Variants in INO80 observed in about 807,000 individuals in gnomAD.
INO80 encodes chromatin-remodeling ATPase INO80.
A neutral mutation model predicts 203.4 loss-of-function variants in INO80; 20 were observed. The observed-to-expected ratio is 0.10, with a 90% CI of 0.07 to 0.14. The LOEUF (loss-of-function observed/expected upper bound fraction) is 0.14, where lower values mean the gene tolerates loss of function less well. Among genes scored for constraint, INO80 ranks in the 10% least tolerant of loss-of-function variants. The pLI is 1.00. For missense variants in INO80, 1,419 were observed against 1,914.4 expected, an observed-to-expected ratio of 0.74 and a Z score of 4.83; for synonymous variants, 726 against 685.2, an observed-to-expected ratio of 1.06 and a Z score of -0.93.
intron 4 of INO80, among the ~76,000 whole-genome samples, chr15:41,093,780 A>C (rs918671530): frequency 3.3e-5 from 5 of 152,040 alleles, no homozygotes; most frequent in Non-Finnish European, 7.4e-5. Context: ...AGGAGGTCGA[A>C]GCTGCACTAA....
chr15:40,988,537 G>C (rs192348936), intron 29 of INO80, among the ~76,000 whole-genome samples: 188 of 151,882 alleles, frequency 1.2e-3, no homozygotes, highest in African/African-American at 4.4e-3. Context: ...GGTGAGCTGA[G>C]ATTGTACCAC....
At chr15:41,035,534 A>AG (rs1014370320) in intron 24 of INO80, among the ~76,000 whole-genome samples, 2 of 151,926 alleles carry the variant, frequency 1.3e-5, no homozygotes, top group African/African-American at 4.8e-5. Context: ...TCTAAAAAAA[A>AG]AAAAAGACCG....
At chr15:41,087,715 T>G in intron 5 of INO80, 33 bp from the exon 6 acceptor site, 1 of 1,595,442 alleles carries the variant, frequency 6.3e-7, no homozygotes. Flanking sequence ...TGGGCCTGTT[T>G]TCTATAGTAC....
chr15:41,044,773 C>T, intron 24 of INO80, 131 bp downstream of exon 24: 3 of 675,560 alleles, frequency 4.4e-6, no homozygotes, highest in Non-Finnish European at 7.4e-6. Flanking sequence ...ACTCAATATG[C>T]TGCACCGCCC....
intron 23 of INO80, among the ~76,000 whole-genome samples, chr15:41,045,899 T>G (rs571703275): frequency 6.4e-5 from 2 of 31,254 alleles, no homozygotes; most frequent in East Asian, 9.0e-3. Context: ...AGACTTCATC[T>G]CGGGAAAAAA....
intron 24 of INO80, among the ~76,000 whole-genome samples, chr15:41,037,317 G>A (rs1429933429): frequency 6.6e-6 from 1 of 151,788 alleles, no homozygotes; most frequent in African/African-American, 2.4e-5. Flanking sequence ...AGATCAGCCT[G>A]GCTAACATGG....
chr15:40,981,400 CTGT>C (rs1566896883), intron 35 of INO80, among the ~76,000 whole-genome samples: 1 of 152,206 alleles, frequency 6.6e-6, no homozygotes, highest in African/African-American at 2.4e-5. Flanking sequence ...ACTGGCATGA[CTGT>C]TGTTTTCCAA....
intron 32 of INO80, among the ~76,000 whole-genome samples, chr15:40,985,107 A>G (rs1184400989): frequency 2.6e-5 from 4 of 152,136 alleles, no homozygotes; most frequent in African/African-American, 9.6e-5. Flanking sequence ...AATGGTTTCC[A>G]TAATTAAACT....
chr15:41,061,075 G>A (rs1377446709), intron 14 of INO80, among the ~76,000 whole-genome samples: 1 of 152,198 alleles, frequency 6.6e-6, no homozygotes, highest in Non-Finnish European at 1.5e-5. Flanking sequence ...GGGAGACTGA[G>A]GCTGGCAGAT....
At chr15:41,066,401 C>T (rs1250251672) in intron 14 of INO80, among the ~76,000 whole-genome samples, 2 of 152,112 alleles carry the variant, frequency 1.3e-5, no homozygotes, top group Non-Finnish European at 2.9e-5. Context: ...AAGTGATCTT[C>T]CCACCTTGGC....
At chr15:41,054,388 G>T (rs1023846416) in intron 18 of INO80, among the ~76,000 whole-genome samples, 1 of 152,076 alleles carries the variant, frequency 6.6e-6, no homozygotes, top group Non-Finnish European at 1.5e-5. Flanking sequence ...ATCACATAAG[G>T]ATTTTTCTAA....
rs762135354 is a variant in INO80, at chr15:41,096,227, G to A, written c.84C>T (p.Ala28=). ...GTCGCAGAAAATGGTCCAACCGGAG[G>A]GCCCTCTCCAAGTACTGAAGATAGA... The part of the protein sequence containing the change: ...KPLYLQYLER[A]LRLDHFLRQT... The change falls in exon 2 of 36, where the codon GCC becomes GCT. Residue 28 remains alanine, a synonymous_variant. Transcript: ENST00000648947. 23 of 1,613,260 alleles carry A rather than the reference G, an allele frequency of 1.4e-5. No homozygotes were observed. In the South Asian group the frequency reaches 2.5e-4, roughly 18 times the overall value.
At chr15:41,110,937 T>C (rs1427582369) in intron 1 of INO80, among the ~76,000 whole-genome samples, 6 of 152,182 alleles carry the variant, frequency 3.9e-5, no homozygotes, top group South Asian at 2.1e-4. Context: ...AATTCCTTCA[T>C]TGTCTCAGAA....
chr15:40,994,489 G>A (rs139619128), intron 29 of INO80, among the ~76,000 whole-genome samples: 3,995 of 151,714 alleles, frequency 0.026, 196 homozygotes, highest in African/African-American at 0.092. Flanking sequence ...TCAGCCTCCC[G>A]AGTAGCTGGG....
chr15:40,986,427 G>A (rs2043734265), intron 31 of INO80, among the ~76,000 whole-genome samples: 1 of 146,648 alleles, frequency 6.8e-6, no homozygotes, highest in African/African-American at 2.5e-5. Flanking sequence ...TAGCTTCAAG[G>A]GATTCTCCTG....
At chr15:41,023,432 T>C in intron 25 of INO80, 1 of 437,848 alleles carries the variant, frequency 2.3e-6, no homozygotes, top group South Asian at 1.6e-5. Context: ...CTATATGTCT[T>C]GAACAGCATG....
Position 41,081,710 on chromosome 15 carries a change from G to C in INO80, c.874-637C>G, listed in dbSNP as rs559031954. On this transcript the variant is annotated intron_variant, in intron 7 of 35. Transcript: ENST00000648947. ...ACCTGACTCCCCATGATGTCTATTT[G>C]ACATGGAAGAAGATGCTGAAGAGGC... Among the ~76,000 whole-genome samples, 27 of 152,248 alleles carry C rather than the reference G, an allele frequency of 1.8e-4. No individual in the cohort carries two copies. In the South Asian group the frequency reaches 5.4e-3, roughly 30 times the overall value.
At chr15:41,070,674 A>G (rs2045295340) in intron 12 of INO80, 127 bp from the exon 13 acceptor site, 1 of 748,756 alleles carries the variant, frequency 1.3e-6, no homozygotes, top group Admixed American at 2.2e-5. Context: ...ACTCAGCCTC[A>G]GCACTTTTAC....
chr15:41,003,189 C>T (rs1245945626), intron 28 of INO80, among the ~76,000 whole-genome samples: 1 of 151,822 alleles, frequency 6.6e-6, no homozygotes, highest in African/African-American at 2.4e-5. Flanking sequence ...ATGGTTATGA[C>T]AGAATATTAA....
Sources: gnomAD v4.1 joint callset for allele counts (sites outside exome capture counted in the v4.1 genomes callset) on GRCh38, gnomAD v4.1.1 for gene constraint, MANE v1.5 for transcripts, NCBI Gene and HGNC (gene_info 2026-07-23, HGNC 2026-07-21) for gene names.